The following KLF12 variants were observed in gnomAD, a reference collection of about 807,000 sequenced individuals.
KLF12 encodes Krueppel-like factor 12.
KLF12 carries 9 observed loss-of-function variants against 37.8 expected under a neutral mutation model. The ratio of observed to expected loss-of-function variants is 0.24; its 90% CI spans 0.14 to 0.42. The LOEUF (loss-of-function observed/expected upper bound fraction) is 0.42. Among genes scored for constraint, KLF12 ranks in the 10% least tolerant of loss-of-function variants. The pLI is 1.00. For missense variants in KLF12, 411 were observed against 516.0 expected (o/e 0.80, Z 1.97); for synonymous variants, 208 against 202.1 (o/e 1.03, Z -0.25).
chr13:74,288,666 A>G, the KLF12 span, among the ~76,000 whole-genome samples: 1 of 152,190 alleles, frequency 6.6e-6, no homozygotes, highest in Non-Finnish European at 1.5e-5. Context: ...TCCGCAGCCT[A>G]GACTGGTGGG....
chr13:74,099,487 A>G (rs946371750), intron 1 of KLF12, among the ~76,000 whole-genome samples: 1 of 152,246 alleles, frequency 6.6e-6, no homozygotes, highest in Non-Finnish European at 1.5e-5. Context: ...CACTATGTAA[A>G]ATCATCAAAT....
At chr13:74,094,401 T>C (rs1875856955) in intron 1 of KLF12, among the ~76,000 whole-genome samples, 1 of 152,138 alleles carries the variant, frequency 6.6e-6, no homozygotes, top group Non-Finnish European at 1.5e-5. Flanking sequence ...CATAGCACTG[T>C]GCATTTTCCT....
chr13:74,020,278 A>T (rs1892807560), intron 1 of KLF12, among the ~76,000 whole-genome samples: 1 of 152,202 alleles, frequency 6.6e-6, no homozygotes, highest in Non-Finnish European at 1.5e-5. Context: ...CCAAGGATAG[A>T]ATCAAGCTCT....
intron 2 of KLF12, among the ~76,000 whole-genome samples, chr13:73,986,122 A>G (rs903240798): frequency 2.0e-5 from 3 of 152,194 alleles, no homozygotes; most frequent in Non-Finnish European, 4.4e-5. Flanking sequence ...ACAAATAACA[A>G]CATTCAAAAA....
Position 73,715,374 on chromosome 13 carries a change from G to A in KLF12, c.1021C>T (p.His341Tyr). The stretch of plus-strand genomic sequence containing the variant: ...AAGCCCTGCAGAGCGGTACCTGTAT[G>A]TGTCCTCCGGTGAGCCTTCAGGTGA... The change falls in exon 7 of 8, where the codon CAT becomes TAT. Residue 341 changes from histidine (H) to tyrosine (Y), a missense_variant. His to Tyr is a moderately conservative substitution (Grantham distance 83). Transcript: ENST00000377669. The A allele has an allele frequency of 6.2e-7, 1 of 1,613,436 alleles. No homozygotes were observed. Among genetic ancestry groups the A allele is most frequent in the Non-Finnish European group, 8.5e-7 (1 of 1,179,730 alleles).
intron 7 of KLF12, among the ~76,000 whole-genome samples, chr13:73,699,884 A>G (rs1289576803): frequency 6.6e-6 from 1 of 152,162 alleles, no homozygotes; most frequent in South Asian, 2.1e-4. Flanking sequence ...GTAATAAACA[A>G]TCGTGAAAAA....
At chr13:74,033,385 G>C (rs1328186860) in intron 1 of KLF12, among the ~76,000 whole-genome samples, 1 of 152,150 alleles carries the variant, frequency 6.6e-6, no homozygotes, top group Non-Finnish European at 1.5e-5. Context: ...GTGTGACCTG[G>C]AGTTATTTAG....
intron 6 of KLF12, among the ~76,000 whole-genome samples, chr13:73,725,483 A>C (rs1876593884): frequency 6.6e-6 from 1 of 152,226 alleles, no homozygotes; most frequent in African/African-American, 2.4e-5. Context: ...AAAAACAAAA[A>C]AATAGAATAT....
chr13:73,981,475 A>C (rs994009706), intron 2 of KLF12, among the ~76,000 whole-genome samples: 1 of 152,246 alleles, frequency 6.6e-6, no homozygotes, highest in Non-Finnish European at 1.5e-5. Flanking sequence ...AATGAATATC[A>C]AAAACAACAA....
At chr13:73,814,486 C>G (rs1389948018) in intron 4 of KLF12, among the ~76,000 whole-genome samples, 2 of 152,132 alleles carry the variant, frequency 1.3e-5, no homozygotes, top group East Asian at 3.8e-4. Context: ...TAGACGGTTT[C>G]AACATATTTC....
At chr13:73,724,588 C>T (rs1876519828) in intron 6 of KLF12, among the ~76,000 whole-genome samples, 1 of 151,574 alleles carries the variant, frequency 6.6e-6, no homozygotes, top group African/African-American at 2.4e-5. Flanking sequence ...AATCTTCCCA[C>T]CTGAGACAGA....
intron 6 of KLF12, 21 bp downstream of exon 6, chr13:73,764,917 C>CT: frequency 7.3e-7 from 1 of 1,373,824 alleles, no homozygotes. Context: ...TACAAATACT[C>CT]ATATTAGACT....
At chr13:74,259,009 A>G in the KLF12 span, 1 of 152,286 alleles carries the variant, frequency 6.6e-6, no homozygotes, top group Admixed American at 6.5e-5. Flanking sequence ...CAAGAGAACT[A>G]GGGTACTGAT....
chr13:74,222,129 C>T, the KLF12 span, among the ~76,000 whole-genome samples: 3 of 152,158 alleles, frequency 2.0e-5, no homozygotes, highest in South Asian at 2.1e-4. Context: ...TTGACCCTCA[C>T]GTTCTCCCTT....
rs1176313745 is a variant in KLF12, at chr13:74,046,713, C to T, written c.-31-51660G>A. ...GACAGTTTGCATAAATACACTGCAA[C>T]CACTCTAAGAAGGAATGTTTCATTA... On this transcript the variant is annotated intron_variant, in intron 1 of 7. Transcript: ENST00000377669. Among the ~76,000 whole-genome samples, 4 of 152,200 alleles carry T rather than the reference C, an allele frequency of 2.6e-5. No homozygotes were observed. The East Asian group carries it at 5.8e-4, about 22-fold the overall frequency.
At chr13:73,947,018 G>A (rs1890455315) in intron 2 of KLF12, among the ~76,000 whole-genome samples, 1 of 152,108 alleles carries the variant, frequency 6.6e-6, no homozygotes, top group African/African-American at 2.4e-5. Context: ...CTTTAAATAT[G>A]TACTAGATTC....
intron 1 of KLF12, among the ~76,000 whole-genome samples, chr13:74,065,344 A>T (rs1873852529): frequency 6.6e-6 from 1 of 152,180 alleles, no homozygotes; most frequent in Non-Finnish European, 1.5e-5. Flanking sequence ...TTCAAAACAC[A>T]TATATTTTAA....
Position 73,795,875 on chromosome 13 carries a change from A to T in KLF12, c.806+17277T>A, listed in dbSNP as rs544746508. Among the ~76,000 whole-genome samples, 9 of 152,330 alleles carry T rather than the reference A, an allele frequency of 5.9e-5. No homozygotes were observed. In the East Asian group the frequency reaches 1.7e-3, roughly 29 times the overall value. On this transcript the variant is annotated intron_variant, in intron 5 of 7. Transcript: ENST00000377669. ...ATCTAACAGATCAGATGAAGGAAGGAGAACTTTTAAAGTTCATATGGATAA... is the reference window on the plus strand; with the variant it reads ...ATCTAACAGATCAGATGAAGGAAGGTGAACTTTTAAAGTTCATATGGATAA...
intron 4 of KLF12, among the ~76,000 whole-genome samples, chr13:73,817,536 T>C (rs1428064328): frequency 1.3e-5 from 2 of 152,162 alleles, no homozygotes; most frequent in African/African-American, 4.8e-5. Flanking sequence ...AATATTAAAT[T>C]GAATTAAGTT....
Sources: allele counts gnomAD v4.1 joint callset (sites outside exome capture counted in the v4.1 genomes callset), GRCh38; gene constraint gnomAD v4.1.1; transcripts MANE v1.5; gene names NCBI Gene and HGNC (gene_info 2026-07-23, HGNC 2026-07-21).